Variants in STARD13 observed in about 807,000 individuals in gnomAD.
The protein encoded by STARD13 is StAR related lipid transfer domain containing 13.
In STARD13, 62 loss-of-function variants were observed where a neutral mutation model predicts 106.4. The ratio of observed to expected loss-of-function variants is 0.58; its 90% CI spans 0.48 to 0.72. The LOEUF is 0.72. STARD13 is among the 30% of genes least tolerant of loss of function. The pLI, the probability that STARD13 is intolerant of heterozygous loss-of-function variation, is 0.00. For missense variants in STARD13, 1,387 were observed against 1,424.0 expected (o/e 0.97, Z 0.42); for synonymous variants, 565 against 553.0 (o/e 1.02, Z -0.31).
the STARD13 span, among the ~76,000 whole-genome samples, chr13:33,586,510 C>A: frequency 6.6e-6 from 1 of 152,122 alleles, no homozygotes; most frequent in Non-Finnish European, 1.5e-5. Flanking sequence ...AACAAAAATA[C>A]TAGTGGATTT....
the STARD13 span, among the ~76,000 whole-genome samples, chr13:33,641,952 A>G: frequency 1.3e-5 from 2 of 152,222 alleles, no homozygotes; most frequent in Admixed American, 6.5e-5. Context: ...AGCTATAACT[A>G]TTGCATAACA....
chr13:33,337,326 G>A (rs1242059153), intron 1 of STARD13, among the ~76,000 whole-genome samples: 1 of 141,610 alleles, frequency 7.1e-6, no homozygotes, highest in Admixed American at 7.6e-5. Context: ...TATGAGCATT[G>A]TAAATATTTA....
At position 33,213,067 on chromosome 13, in the gene STARD13, G is replaced by A. The variant is rs930979760; in HGVS notation, c.170-45445C>T. On this transcript the variant is annotated intron_variant, in intron 1 of 13. Coordinates refer to ENST00000336934, the MANE Select transcript of STARD13 (RefSeq NM_178006.4). ...AACTCCCTTTATCCAAAAAGGTTCC[G>A]TAAGAAAAATCAGACAGTACATCTG... 4.6e-5 allele frequency among the ~76,000 whole-genome samples: 7 copies of A among 152,118 alleles called. No homozygotes were observed. The East Asian group carries it at 9.6e-4, about 21-fold the overall frequency.
chr13:33,298,265 G>A (rs946426991), intron 1 of STARD13, among the ~76,000 whole-genome samples: 8 of 151,480 alleles, frequency 5.3e-5, no homozygotes, highest in Admixed American at 6.6e-5. Context: ...AAGTAGCTGG[G>A]ACTACAGGCA....
intron 1 of STARD13, among the ~76,000 whole-genome samples, chr13:33,204,527 G>A (rs546313770): frequency 9.2e-5 from 14 of 152,244 alleles, no homozygotes; most frequent in South Asian, 2.1e-4. Flanking sequence ...TATGAGACGC[G>A]TGGAAAGAAC....
At chr13:33,197,521 A>G (rs1433256757) in intron 1 of STARD13, among the ~76,000 whole-genome samples, 14 of 152,096 alleles carry the variant, frequency 9.2e-5, no homozygotes, top group Admixed American at 7.9e-4. Flanking sequence ...TCAGAGTTAA[A>G]TATTTACGCT....
chr13:33,660,172 T>C, the STARD13 span, among the ~76,000 whole-genome samples: 1 of 38,812 alleles, frequency 2.6e-5, no homozygotes, highest in Non-Finnish European at 1.2e-4. Context: ...CCATGGTTTT[T>C]ATTTTTACTG....
chr13:33,541,495 G>A, the STARD13 span, among the ~76,000 whole-genome samples: 1 of 152,192 alleles, frequency 6.6e-6, no homozygotes, highest in South Asian at 2.1e-4. Flanking sequence ...TCACGTCACA[G>A]CAGCGTTTTT....
At chr13:33,600,870 A>G in the STARD13 span, among the ~76,000 whole-genome samples, 10 of 151,614 alleles carry the variant, frequency 6.6e-5, no homozygotes, top group Non-Finnish European at 1.5e-4. Flanking sequence ...AAAGAAGAAT[A>G]AAGAGACCAA....
At chr13:33,123,819 C>T (rs545548355) in intron 7 of STARD13, among the ~76,000 whole-genome samples, 28 of 152,224 alleles carry the variant, frequency 1.8e-4, no homozygotes, top group African/African-American at 6.5e-4. Context: ...GTGTTTAGCA[C>T]GGGGAGAAGG....
At chr13:33,669,163 G>A in the STARD13 span, among the ~76,000 whole-genome samples, 2 of 152,192 alleles carry the variant, frequency 1.3e-5, no homozygotes, top group East Asian at 3.8e-4. Context: ...AGAATGGCTT[G>A]CAGAATAGGA....
At chr13:33,370,620 T>C in the STARD13 span, among the ~76,000 whole-genome samples, 1 of 115,126 alleles carries the variant, frequency 8.7e-6, no homozygotes, top group Non-Finnish European at 1.6e-5. Context: ...TCTTTCTTTC[T>C]TTTTTTTTTT....
Position 33,167,535 on chromosome 13 carries a change from C to T in STARD13, c.241+16G>A, listed in dbSNP as rs76891142. On this transcript the variant is annotated intron_variant, in intron 2 of 13. Coordinates refer to ENST00000336934, the MANE Select transcript of STARD13 (RefSeq NM_178006.4). Reference sequence around the variant, plus strand: ...ATTTATTCTCTGTGTAAGAGCGAAGCGAAGGGCTGACGTACCCTCATATAA... The same window carrying T: ...ATTTATTCTCTGTGTAAGAGCGAAGTGAAGGGCTGACGTACCCTCATATAA... 3 of 1,613,476 alleles carry T rather than the reference C, an allele frequency of 1.9e-6. No individual in the cohort carries two copies. The highest frequency in any genetic ancestry group is 1.7e-5 in the Admixed American group (1 of 59,996).
the STARD13 span, among the ~76,000 whole-genome samples, chr13:33,369,589 A>C: frequency 6.6e-6 from 1 of 152,222 alleles, no homozygotes; most frequent in African/African-American, 2.4e-5. Flanking sequence ...ACTTGAGAAC[A>C]TATTTTTCTT....
the STARD13 span, among the ~76,000 whole-genome samples, chr13:33,541,759 T>G: frequency 6.6e-6 from 1 of 152,254 alleles, no homozygotes; most frequent in Non-Finnish European, 1.5e-5. Flanking sequence ...CCAGGAGAAC[T>G]GAGCACTTTG....
chr13:33,187,210 G>T (rs1016708656), intron 1 of STARD13, among the ~76,000 whole-genome samples: 1 of 152,174 alleles, frequency 6.6e-6, no homozygotes, highest in Non-Finnish European at 1.5e-5. Flanking sequence ...AGAGGGAGAG[G>T]GTTGCCGGGA....
chr13:33,644,847 T>A, the STARD13 span, among the ~76,000 whole-genome samples: 2 of 152,192 alleles, frequency 1.3e-5, no homozygotes, highest in African/African-American at 4.8e-5. Flanking sequence ...CTAGGAATAA[T>A]GACACTCAAA....
chr13:33,643,079 G>A, the STARD13 span, among the ~76,000 whole-genome samples: 1 of 151,324 alleles, frequency 6.6e-6, no homozygotes, highest in Non-Finnish European at 1.5e-5. Flanking sequence ...ATGCATGCAT[G>A]TATAATACGA....
At chr13:33,519,480 G>A in the STARD13 span, among the ~76,000 whole-genome samples, 1 of 151,492 alleles carries the variant, frequency 6.6e-6, no homozygotes, top group Non-Finnish European at 1.5e-5. Flanking sequence ...GTGAGCCACT[G>A]TGCCCAGCTG....
Sources: gnomAD v4.1 joint callset for allele counts (sites outside exome capture counted in the v4.1 genomes callset) on GRCh38, gnomAD v4.1.1 for gene constraint, MANE v1.5 for transcripts, NCBI Gene and HGNC (gene_info 2026-07-23, HGNC 2026-07-21) for gene names.